Variants in NIM1K observed in about 807,000 individuals in gnomAD.
NIM1K encodes the protein serine/threonine-protein kinase NIM1.
Under a neutral mutation model 37.1 loss-of-function variants are expected in NIM1K, and 35 were observed. That is an observed-to-expected ratio of 0.94 (90% confidence interval 0.72 to 1.25). The LOEUF (loss-of-function observed/expected upper bound fraction) is 1.25. Among genes scored for constraint, NIM1K ranks in the 50% most tolerant of loss-of-function variants. The pLI is 0.00. For synonymous variants in NIM1K, 234 were observed against 206.6 expected (o/e 1.13, Z -1.14); for missense variants, 564 against 548.0 (o/e 1.03, Z -0.29).
intron 1 of NIM1K, among the ~76,000 whole-genome samples, chr5:43,212,386 T>C (rs1291049835): frequency 6.6e-6 from 1 of 152,156 alleles, no homozygotes; most frequent in Non-Finnish European, 1.5e-5. Flanking sequence ...CCTTTGAGCT[T>C]AGTCCAGGCT....
chr5:43,215,321 G>A, intron 1 of NIM1K, among the ~76,000 whole-genome samples: 1 of 152,248 alleles, frequency 6.6e-6, no homozygotes, highest in East Asian at 1.9e-4. Context: ...GGGGAGGGAA[G>A]TGTGCCTAAT....
chr5:43,244,117 G>C (rs185634744), intron 1 of NIM1K, among the ~76,000 whole-genome samples: 2 of 152,094 alleles, frequency 1.3e-5, no homozygotes, highest in Non-Finnish European at 2.9e-5. Context: ...TATAAGCTTA[G>C]GAAGCCTTAT....
At chr5:43,260,772 G>T (rs928581666) in intron 2 of NIM1K, among the ~76,000 whole-genome samples, 1 of 148,774 alleles carries the variant, frequency 6.7e-6, no homozygotes, top group South Asian at 2.2e-4. Flanking sequence ...TCCCCCACCC[G>T]ACGACAGGCC....
rs755873667 is a variant in NIM1K at position 43,245,938 on chromosome 5, A to G, written c.163A>G (p.Met55Val). The change falls in exon 2 of 4, where the codon ATG becomes GTG. Residue 55 changes from methionine (M) to valine (V), a missense_variant. Physicochemically the swap from Met to Val is conservative, Grantham distance 21. Transcript: ENST00000326035. ...GCCCTTCGAGAAACTGACACAGGAC[A>G]TGTCCCAGGATGAGAAGGTGGTGAG... ...LTPFEKLTQD[M>V]SQDEKVVREI... 3 of 1,614,172 alleles carry G rather than the reference A, an allele frequency of 1.9e-6. No homozygotes were observed. In the South Asian group the frequency reaches 3.3e-5, roughly 18 times the overall value.
intron 1 of NIM1K, among the ~76,000 whole-genome samples, chr5:43,216,060 C>G (rs1752295689): frequency 6.6e-6 from 1 of 151,376 alleles, no homozygotes; most frequent in Non-Finnish European, 1.5e-5. Flanking sequence ...TTGAAAAAAC[C>G]AACTCATTCT....
At chr5:43,224,680 A>G (rs551982381) in intron 1 of NIM1K, among the ~76,000 whole-genome samples, 22 of 147,392 alleles carry the variant, frequency 1.5e-4, no homozygotes, top group African/African-American at 4.7e-4. Context: ...ATTCTGATTA[A>G]CAGCAATAAC....
chr5:43,231,497 G>C (rs1300383132), intron 1 of NIM1K, among the ~76,000 whole-genome samples: 1 of 151,896 alleles, frequency 6.6e-6, no homozygotes, highest in African/African-American at 2.4e-5. Context: ...GGTCTCAAAT[G>C]CCACCTCTAT....
intron 1 of NIM1K, among the ~76,000 whole-genome samples, chr5:43,214,553 C>T (rs1484040466): frequency 2.0e-5 from 3 of 150,204 alleles, no homozygotes; most frequent in African/African-American, 4.9e-5. Flanking sequence ...CGGTGGCTTA[C>T]GCCTGTAATC....
rs1753357385 is a variant in NIM1K at position 43,277,229 on chromosome 5, T to TGG, written c.468_469dup (p.Glu157GlyfsTer29). ...ACTTGGTGATGGAGTATGCAGGGGG[T>TGG]GGGGAGCTCTTCGGAAAAATTAGCA... On this transcript the variant is annotated frameshift_variant, in exon 3 of 4. Transcript: ENST00000326035. LOFTEE classifies it high-confidence loss of function. 6.2e-7 allele frequency: 1 copy of TGG among 1,613,404 alleles called. No homozygotes were observed. The highest frequency in any genetic ancestry group is 8.5e-7 in the Non-Finnish European group (1 of 1,179,876).
At chr5:43,261,562 C>T (rs1387396295) in intron 2 of NIM1K, among the ~76,000 whole-genome samples, 1 of 152,020 alleles carries the variant, frequency 6.6e-6, no homozygotes, top group Non-Finnish European at 1.5e-5. Context: ...TGTAGGTTGC[C>T]TGTTCATTCT....
chr5:43,216,521 C>T (rs1253460250), intron 1 of NIM1K, among the ~76,000 whole-genome samples: 5 of 152,142 alleles, frequency 3.3e-5, no homozygotes, highest in Non-Finnish European at 5.9e-5. Context: ...AATATTGGCA[C>T]TTAGTGCATG....
intron 2 of NIM1K, among the ~76,000 whole-genome samples, chr5:43,264,474 G>A (rs1033515650): frequency 6.6e-6 from 1 of 152,180 alleles, no homozygotes; most frequent in Non-Finnish European, 1.5e-5. Context: ...CATTTGCTTG[G>A]TAGATCTTCC....
rs1048675616 is a variant in NIM1K, at chr5:43,231,716, T to A, written c.-694-13366T>A. The stretch of plus-strand genomic sequence containing the variant: ...AGTAGTTGTATATTAGAGCATACAC[T>A]GCTACATAAAAATTAACTGATCAGA... On this transcript the variant is annotated intron_variant, in intron 1 of 3. Coordinates refer to ENST00000326035, the MANE Select transcript of NIM1K (RefSeq NM_153361.4). 7.2e-6 allele frequency: 5 copies of A among 697,266 alleles called. No homozygotes were observed. The African/African-American group carries it at 9.0e-5, about 13-fold the overall frequency. 43.2% of individuals were successfully genotyped at this position (697,266 alleles called of 1,614,324 possible). A position where few individuals can be genotyped will look rare whatever the true frequency, so the allele number is the denominator to read the frequency against.
At chr5:43,258,351 A>G (rs1415754477) in intron 2 of NIM1K, among the ~76,000 whole-genome samples, 1 of 151,984 alleles carries the variant, frequency 6.6e-6, no homozygotes, top group African/African-American at 2.4e-5. Context: ...TATCCATTCA[A>G]CTGTTGATGA....
chr5:43,270,497 A>T (rs1331408069), intron 2 of NIM1K, among the ~76,000 whole-genome samples: 2 of 152,194 alleles, frequency 1.3e-5, no homozygotes, highest in African/African-American at 4.8e-5. Flanking sequence ...ATTTTACTCA[A>T]TAAAGTAGGA....
At chr5:43,217,606 T>C (rs2112226017) in intron 1 of NIM1K, among the ~76,000 whole-genome samples, 1 of 152,276 alleles carries the variant, frequency 6.6e-6, no homozygotes, top group East Asian at 1.9e-4. Flanking sequence ...CTGATTGTGG[T>C]TTTGCATTAC....
intron 1 of NIM1K, among the ~76,000 whole-genome samples, chr5:43,238,290 C>T (rs1752649993): frequency 6.6e-6 from 1 of 151,822 alleles, no homozygotes; most frequent in Non-Finnish European, 1.5e-5. Context: ...GATCTGCCCG[C>T]CTTCAGCCTC....
intron 1 of NIM1K, chr5:43,231,740 G>C (rs1752542611): frequency 7.4e-6 from 7 of 940,524 alleles, no homozygotes; most frequent in Non-Finnish European, 1.1e-5. Flanking sequence ...TAACTGATCA[G>C]ACCACAACTT....
chr5:43,218,724 C>CTTTTT (rs70994612), intron 1 of NIM1K, among the ~76,000 whole-genome samples: 1 of 141,126 alleles, frequency 7.1e-6, no homozygotes, highest in Non-Finnish European at 1.5e-5. Flanking sequence ...TTCTTCTTTT[C>CTTTTT]TTTTTTTTTT....
Sources: gnomAD v4.1 joint callset for allele counts (sites outside exome capture counted in the v4.1 genomes callset) on GRCh38, gnomAD v4.1.1 for gene constraint, MANE v1.5 for transcripts, NCBI Gene and HGNC (gene_info 2026-07-23, HGNC 2026-07-21) for gene names.